Variants in GDF7 observed in about 807,000 individuals in gnomAD.
The protein encoded by GDF7 is growth/differentiation factor 7.
A neutral mutation model predicts 13.4 loss-of-function variants in GDF7; 12 were observed. The ratio of observed to expected loss-of-function variants is 0.90; its 90% confidence interval spans 0.57 to 1.45. The LOEUF (loss-of-function observed/expected upper bound fraction) is 1.45, where lower values mean the gene tolerates loss of function less well. GDF7 is among the 40% of genes most tolerant of loss of function. The probability of loss-of-function intolerance (pLI) is 0.00; values close to 1 mark genes in which losing one functional copy is unlikely to be tolerated. For missense variants in GDF7, 651 were observed against 652.4 expected (o/e 1.00, Z 0.02); for synonymous variants, 330 against 306.4 (o/e 1.08, Z -0.80).
rs1376309997 is a variant in GDF7, at chr2:20,676,351, G to C, written c.*4926G>C. The stretch of plus-strand genomic sequence containing the variant: ...AAAGATGTTTATTTCTAAGTTTTCA[G>C]ACAGCTTGGCATCTTGTACCTGGAA... On this transcript the variant is annotated 3_prime_UTR_variant, in exon 2 of 2. Coordinates refer to ENST00000272224, the MANE Select transcript of GDF7 (RefSeq NM_182828.4). 6.6e-6 allele frequency: 1 copy of C among 152,264 alleles called. No individual in the cohort carries two copies. The highest frequency in any genetic ancestry group is 1.9e-4 in the East Asian group (1 of 5,194). 9.4% of individuals were successfully genotyped at this position (152,264 alleles called of 1,614,324 possible). A position where few individuals can be genotyped will look rare whatever the true frequency, so the allele number is the denominator to read the frequency against.
chr2:20,671,413 CG>C lies in GDF7; in HGVS notation c.1343del (p.Gly448AlafsTer20). On this transcript the variant is annotated frameshift_variant, in exon 2 of 2. Transcript: ENST00000272224. LOFTEE classifies it high-confidence loss of function. The stretch of plus-strand genomic sequence containing the variant: ...ACGAGGACATGGTGGTGGAGGCCTG[CG>C]GCTGCAGGTAGCGCGAGGGCCGGGG... ...QYEDMVVEACGCR is the reference protein window; with the variant it reads ...QYEDMVVEACXCR The C allele has an allele frequency of 6.2e-7, 1 of 1,602,050 alleles. No homozygotes were observed. The highest frequency in any genetic ancestry group is 8.5e-7 in the Non-Finnish European group (1 of 1,174,404).
Position 20,667,190 on chromosome 2 carries a change from T to A in GDF7, c.-50T>A, listed in dbSNP as rs1695970380. 1 of 1,112,170 alleles carries A rather than the reference T, an allele frequency of 9.0e-7. No homozygotes were observed. Among genetic ancestry groups the A allele is most frequent in the African/African-American group, 1.7e-5 (1 of 59,928 alleles). The allele number at this position is 1,112,170 out of a possible 1,614,324, so 68.9% of individuals were successfully genotyped here. On this transcript the variant is annotated 5_prime_UTR_variant, in exon 1 of 2. Transcript: ENST00000272224. The surrounding 1 kb of genome is among the most constrained non-coding windows in gnomAD (Gnocchi z 6.4). ...TATGTTCAAAAGGCGCCGGGGGACT[T>A]CCCGGAGCCACGGAGCCCGCGCCGC...
At chr2:20,669,770 A>C (rs1238062685) in intron 1 of GDF7, among the ~76,000 whole-genome samples, 1 of 152,194 alleles carries the variant, frequency 6.6e-6, no homozygotes, top group African/African-American at 2.4e-5. Flanking sequence ...CCTGGCCCCT[A>C]CCTGGGCCTC....
At position 20,670,828 on chromosome 2, in the gene GDF7, C is replaced by A; in HGVS notation, c.756C>A (p.Phe252Leu). Residue 252 changes from phenylalanine to leucine, a missense_variant, in exon 2 of 2, where the codon TTC (phenylalanine) becomes TTA (leucine). Physicochemically the swap from Phe to Leu is conservative, Grantham distance 22. Transcript: ENST00000272224. The part of the protein sequence containing the change: ...PSPLALRRLG[F>L]GWPGGGGSAA... ...CGTTGGCACTGCGGCGGCTGGGCTT[C>A]GGCTGGCCGGGCGGAGGGGGCTCTG... 4.7e-6 allele frequency: 7 copies of A among 1,493,932 alleles called. No homozygotes were observed. The highest frequency in any genetic ancestry group is 6.2e-6 in the Non-Finnish European group (7 of 1,128,112). The allele number at this position is 1,493,932 out of a possible 1,614,324, so 92.5% of individuals were successfully genotyped here. A position where few individuals can be genotyped will look rare whatever the true frequency, so the allele number is the denominator to read the frequency against.
At position 20,677,624 on chromosome 2, in the gene GDF7, G is replaced by C. The variant is rs772852840; in HGVS notation, c.*6199G>C. ...AGTAAGGTTCGTTAACAGGCATCCT[G>C]CTGAATTAGAAGGAAACAGGAACGA... On this transcript the variant is annotated 3_prime_UTR_variant, in exon 2 of 2. Transcript: ENST00000272224. 1 of 152,280 alleles carries C rather than the reference G, an allele frequency of 6.6e-6. No homozygotes were observed. Among genetic ancestry groups the C allele is most frequent in the Non-Finnish European group, 1.5e-5 (1 of 68,056 alleles). 9.4% of individuals were successfully genotyped at this position (152,280 alleles called of 1,614,324 possible).
intron 1 of GDF7, among the ~76,000 whole-genome samples, chr2:20,669,091 G>T (rs1055017833): frequency 1.3e-5 from 2 of 152,202 alleles, no homozygotes; most frequent in South Asian, 4.1e-4. Context: ...TCCCTCTTGG[G>T]GGAAACAGAG....
At chr2:20,670,031 C>G (rs1297627991) in intron 1 of GDF7, among the ~76,000 whole-genome samples, 1 of 152,200 alleles carries the variant, frequency 6.6e-6, no homozygotes, top group Non-Finnish European at 1.5e-5. Context: ...CCTTAAGGCC[C>G]AGGACCTCAG....
chr2:20,667,293 C>A lies in GDF7; in HGVS notation c.54C>A (p.Arg18=), dbSNP rs1415567381. Residue 18 remains arginine (R), a synonymous_variant, in exon 1 of 2, where the codon CGC becomes CGA. Transcript: ENST00000272224. The surrounding 1 kb of genome is among the most constrained non-coding windows in gnomAD (Gnocchi z 6.4). ...ALCLWLLSAC[R]PRDGLEAAAV... Reference sequence around the variant, plus strand: ...GCCTTTGGCTGCTGAGCGCCTGCCGCCCCCGCGACGGGCTGGAAGCGGCCG... The same window carrying A: ...GCCTTTGGCTGCTGAGCGCCTGCCGACCCCGCGACGGGCTGGAAGCGGCCG... 1.1e-5 allele frequency: 13 copies of A among 1,204,348 alleles called. 1 individual carries two copies. The highest frequency in any genetic ancestry group is 1.2e-5 in the Non-Finnish European group (12 of 961,950). The allele number at this position is 1,204,348 out of a possible 1,614,324, so 74.6% of individuals were successfully genotyped here. A position where few individuals can be genotyped will look rare whatever the true frequency, so the allele number is the denominator to read the frequency against.
chr2:20,669,663 CCTT>C (rs1476921935), intron 1 of GDF7, among the ~76,000 whole-genome samples: 1 of 152,240 alleles, frequency 6.6e-6, no homozygotes, highest in Non-Finnish European at 1.5e-5. Context: ...CTTTCCCCCT[CCTT>C]CGGAGGCCGC....
rs1353190068 is a variant in GDF7, at chr2:20,675,465, C to G, written c.*4040C>G. 6.6e-6 allele frequency: 1 copy of G among 152,226 alleles called. No homozygotes were observed. Among genetic ancestry groups the G allele is most frequent in the Non-Finnish European group, 1.5e-5 (1 of 68,070 alleles). The allele number at this position is 152,226 out of a possible 1,614,324, so 9.4% of individuals were successfully genotyped here. On this transcript the variant is annotated 3_prime_UTR_variant, in exon 2 of 2. Coordinates refer to ENST00000272224, the MANE Select transcript of GDF7 (RefSeq NM_182828.4). Reference sequence around the variant, plus strand: ...GAGCCCACTGTGGGCTTCCGAGTGCCCAGAGGCAGCTGCTCCCACAGCACG... The same window carrying G: ...GAGCCCACTGTGGGCTTCCGAGTGCGCAGAGGCAGCTGCTCCCACAGCACG...
rs1038134774 is a variant in GDF7 at position 20,674,214 on chromosome 2, G to A, written c.*2789G>A. 2.0e-5 allele frequency: 3 copies of A among 152,328 alleles called. No homozygotes were observed. Among genetic ancestry groups the A allele is most frequent in the South Asian group, 2.1e-4 (1 of 4,832 alleles). The allele number at this position is 152,328 out of a possible 1,614,324, so 9.4% of individuals were successfully genotyped here. A position where few individuals can be genotyped will look rare whatever the true frequency, so the allele number is the denominator to read the frequency against. Reference sequence around the variant, plus strand: ...AGCTTCTCTGTTGCAACCCCCAGCTGGAATCTCCAGTCACCATGGATGGGA... The same window carrying A: ...AGCTTCTCTGTTGCAACCCCCAGCTAGAATCTCCAGTCACCATGGATGGGA... On this transcript the variant is annotated 3_prime_UTR_variant, in exon 2 of 2. Transcript: ENST00000272224.
Position 20,667,753 on chromosome 2 carries a change from T to C in GDF7, c.391+123T>C, listed in dbSNP as rs1396259689. The C allele has an allele frequency of 2.9e-6, 2 of 700,430 alleles. No individual in the cohort carries two copies. Among genetic ancestry groups the C allele is most frequent in the African/African-American group, 1.9e-5 (1 of 53,526 alleles). The allele number at this position is 700,430 out of a possible 1,614,324, so 43.4% of individuals were successfully genotyped here. On this transcript the variant is annotated intron_variant, in intron 1 of 1. Transcript: ENST00000272224. The surrounding 1 kb of genome is among the most constrained non-coding windows in gnomAD (Gnocchi z 6.4). Reference sequence around the variant, plus strand: ...CCCCATGCGGCCCACCCTCAGGTGATAGAAAGAAACTTCGCCGAGGCCAAC... The same window carrying C: ...CCCCATGCGGCCCACCCTCAGGTGACAGAAAGAAACTTCGCCGAGGCCAAC...
chr2:20,670,271 C>G (rs13013895), intron 1 of GDF7, among the ~76,000 whole-genome samples, 193 bp from the exon 2 acceptor site: 19,201 of 152,238 alleles, frequency 0.13, 1,541 homozygotes, highest in Non-Finnish European at 0.17. Context: ...CGGGCGAAGA[C>G]GTCCGCTGCT....
rs769593223 is a variant in GDF7, at chr2:20,677,598, G to C, written c.*6173G>C. 6.6e-6 allele frequency: 1 copy of C among 152,242 alleles called. No homozygotes were observed. The highest frequency in any genetic ancestry group is 1.5e-5 in the Non-Finnish European group (1 of 68,052). The allele number at this position is 152,242 out of a possible 1,614,324, so 9.4% of individuals were successfully genotyped here. A position where few individuals can be genotyped will look rare whatever the true frequency, so the allele number is the denominator to read the frequency against. ...CATGGCTGACCAAAGCGAGACTTCCGAGTAAGGTTCGTTAACAGGCATCCT... is the reference window on the plus strand; with the variant it reads ...CATGGCTGACCAAAGCGAGACTTCCCAGTAAGGTTCGTTAACAGGCATCCT... On this transcript the variant is annotated 3_prime_UTR_variant, in exon 2 of 2. Coordinates refer to ENST00000272224, the MANE Select transcript of GDF7 (RefSeq NM_182828.4).
At position 20,667,658 on chromosome 2, in the gene GDF7, A is replaced by G. The variant is rs1046063037; in HGVS notation, c.391+28A>G. 1 of 1,382,586 alleles carries G rather than the reference A, an allele frequency of 7.2e-7. No individual in the cohort carries two copies. Among genetic ancestry groups the G allele is most frequent in the East Asian group, 2.9e-5 (1 of 34,106 alleles). 85.6% of individuals were successfully genotyped at this position (1,382,586 alleles called of 1,614,324 possible). On this transcript the variant is annotated intron_variant, in intron 1 of 1. Transcript: ENST00000272224. The surrounding 1 kb of genome is among the most constrained non-coding windows in gnomAD (Gnocchi z 6.4). ...ACTTACGCCTCTTCTGTGCCCGCCC[A>G]TCCCGTCAGGTCCTGGGCTGAGACC... is the stretch of plus-strand genomic sequence containing the variant.
Position 20,670,483 on chromosome 2 carries a change from A to T in GDF7, c.411A>T (p.Thr137=). Residue 137 remains threonine, a synonymous_variant, in exon 2 of 2, where the codon ACA becomes ACT. Transcript: ENST00000272224. The part of the protein sequence containing the change: ...QATQDESAAE[T]GQSFLFDVSS... ...CCGCAGACGAATCGGCAGCCGAAAC[A>T]GGCCAGAGCTTCCTGTTCGACGTGT... 1.9e-6 allele frequency: 3 copies of T among 1,549,922 alleles called. No individual in the cohort carries two copies. The African/African-American group carries it at 4.2e-5, about 22-fold the overall frequency.
chr2:20,669,261 T>C (rs576343778), intron 1 of GDF7, among the ~76,000 whole-genome samples: 16 of 152,116 alleles, frequency 1.1e-4, no homozygotes, highest in African/African-American at 3.4e-4. Flanking sequence ...TTGATAGGGA[T>C]AGAACCGGGA....
At position 20,673,440 on chromosome 2, in the gene GDF7, C is replaced by T. The variant is rs1572381397; in HGVS notation, c.*2015C>T. On this transcript the variant is annotated 3_prime_UTR_variant, in exon 2 of 2. Transcript: ENST00000272224. ...TGTGGATTTTGCCAGAGATGCCTCA[C>T]TCTCGTTTTTAAAATGAAGCTTGTC... 6.6e-6 allele frequency: 1 copy of T among 152,116 alleles called. No individual in the cohort carries two copies. The highest frequency in any genetic ancestry group is 1.9e-4 in the East Asian group (1 of 5,178). The allele number at this position is 152,116 out of a possible 1,614,324, so 9.4% of individuals were successfully genotyped here. A position where few individuals can be genotyped will look rare whatever the true frequency, so the allele number is the denominator to read the frequency against.
Position 20,674,881 on chromosome 2 carries a change from G to A in GDF7, c.*3456G>A, listed in dbSNP as rs752518692. The A allele has an allele frequency of 6.6e-6, 1 of 152,162 alleles. No individual in the cohort carries two copies. Among genetic ancestry groups the A allele is most frequent in the Non-Finnish European group, 1.5e-5 (1 of 68,026 alleles). The allele number at this position is 152,162 out of a possible 1,614,324, so 9.4% of individuals were successfully genotyped here. A position where few individuals can be genotyped will look rare whatever the true frequency, so the allele number is the denominator to read the frequency against. ...TACTGAAGAGAGTACCGATAATCCC[G>A]TGGATGGAACAGGAGGGAGTGTAAT... On this transcript the variant is annotated 3_prime_UTR_variant, in exon 2 of 2. Transcript: ENST00000272224.
Sources: allele counts gnomAD v4.1 joint callset (sites outside exome capture counted in the v4.1 genomes callset), GRCh38; gene constraint gnomAD v4.1.1; non-coding constraint Gnocchi (gnomAD v3.1); transcripts MANE v1.5; gene names NCBI Gene and HGNC (gene_info 2026-07-23, HGNC 2026-07-21).